The following ILKAP variants were observed in gnomAD, a reference collection of about 807,000 sequenced individuals.
ILKAP encodes ILK associated serine/threonine phosphatase.
In ILKAP, 11 loss-of-function variants were observed where a neutral mutation model predicts 49.1. That is an observed-to-expected ratio of 0.22 (90% CI 0.14 to 0.37). The LOEUF is 0.37. ILKAP is among the 10% of genes least tolerant of loss of function. The probability of loss-of-function intolerance (pLI) is 1.00; values close to 1 mark genes in which losing one functional copy is unlikely to be tolerated. For missense variants in ILKAP, 363 were observed against 510.8 expected, an observed-to-expected ratio of 0.71 and a Z score of 2.79; for synonymous variants, 186 against 192.8, an observed-to-expected ratio of 0.96 and a Z score of 0.29.
intron 3 of ILKAP, among the ~76,000 whole-genome samples, chr2:238,193,806 C>A (rs1352191712): frequency 6.6e-6 from 1 of 152,234 alleles, no homozygotes; most frequent in Admixed American, 6.5e-5. Flanking sequence ...AAGAAGTTCT[C>A]ATGAGACAGA....
chr2:238,200,976 A>G (rs1230524801), intron 1 of ILKAP, among the ~76,000 whole-genome samples: 1 of 152,248 alleles, frequency 6.6e-6, no homozygotes, highest in Non-Finnish European at 1.5e-5. Context: ...CACAGTTAGT[A>G]AGCGAAGAGC....
At chr2:238,183,172 C>T (rs1693766829) in intron 8 of ILKAP, among the ~76,000 whole-genome samples, 1 of 152,166 alleles carries the variant, frequency 6.6e-6, no homozygotes, top group South Asian at 2.1e-4. Context: ...CTCCCTCAGC[C>T]AGGGACCGGG....
rs1694045033 is a variant in ILKAP, at chr2:238,189,731, C to T, written c.298+122G>A. On this transcript the variant is annotated intron_variant, in intron 4 of 11. Coordinates refer to ENST00000254654, the MANE Select transcript of ILKAP (RefSeq NM_030768.3). ...GGAAATTCATTTGCAAAAAGGGAAC[C>T]CTACTTATTTCTTAAATACAGACAT... 9 of 853,916 alleles carry T rather than the reference C, an allele frequency of 1.1e-5. No individual in the cohort carries two copies. In the South Asian group the frequency reaches 1.7e-4, roughly 16 times the overall value. The allele number at this position is 853,916 out of a possible 1,614,324, so 52.9% of individuals were successfully genotyped here. A position where few individuals can be genotyped will look rare whatever the true frequency, so the allele number is the denominator to read the frequency against.
At chr2:238,192,541 T>TA (rs1694176367) in intron 3 of ILKAP, among the ~76,000 whole-genome samples, 1 of 151,488 alleles carries the variant, frequency 6.6e-6, no homozygotes, top group East Asian at 1.9e-4. Context: ...CTACTAAAAA[T>TA]ACAAAAAAAT....
In ILKAP at chr2:238,189,984, G is replaced by GT. The variant is rs1425729972; in HGVS notation, c.179-13dup. On this transcript the variant is annotated splice_polypyrimidine_tract_variant and intron_variant, in intron 3 of 11. Coordinates refer to ENST00000254654, the MANE Select transcript of ILKAP (RefSeq NM_030768.3). ...TGTGGCAAGAGAACCTGGAAATAAAGTAAAAGCCAGACAGAAACACAGCTG... is the reference window on the plus strand; with the variant it reads ...TGTGGCAAGAGAACCTGGAAATAAAGTTAAAAGCCAGACAGAAACACAGCTG... 1 of 1,613,280 alleles carries GT rather than the reference G, an allele frequency of 6.2e-7. No individual in the cohort carries two copies. Among genetic ancestry groups the GT allele is most frequent in the Non-Finnish European group, 8.5e-7 (1 of 1,179,702 alleles).
Position 238,203,604 on chromosome 2 carries a change from C to T in ILKAP, c.-51G>A. 1 of 1,090,880 alleles carries T rather than the reference C, an allele frequency of 9.2e-7. No individual in the cohort carries two copies. Among genetic ancestry groups the T allele is most frequent in the Non-Finnish European group, 1.1e-6 (1 of 885,702 alleles). The allele number at this position is 1,090,880 out of a possible 1,614,324, so 67.6% of individuals were successfully genotyped here. On this transcript the variant is annotated 5_prime_UTR_variant, in exon 1 of 12. Coordinates refer to ENST00000254654, the MANE Select transcript of ILKAP (RefSeq NM_030768.3). ...CAGCGACAGACACTCAGCCCGCGAG[C>T]AGCGGCCGGGCTCCACACCCCGGGC...
intron 9 of ILKAP, among the ~76,000 whole-genome samples, chr2:238,174,478 C>G (rs1559288143): frequency 6.6e-6 from 1 of 152,214 alleles, no homozygotes; most frequent in Non-Finnish European, 1.5e-5. Context: ...TCCGCAAATG[C>G]CACGGCTGCG....
intron 5 of ILKAP, chr2:238,186,743 C>T (rs1270963258): frequency 1.3e-5 from 2 of 150,412 alleles, no homozygotes; most frequent in South Asian, 2.1e-4. Context: ...CGAGAAATGA[C>T]ATTTATTCTA....
At chr2:238,201,002 G>A (rs1214156125) in intron 1 of ILKAP, among the ~76,000 whole-genome samples, 1 of 152,242 alleles carries the variant, frequency 6.6e-6, no homozygotes, top group Non-Finnish European at 1.5e-5. Context: ...TCTAAACCAA[G>A]TAGTCTGGTT....
intron 3 of ILKAP, among the ~76,000 whole-genome samples, chr2:238,190,273 A>G (rs1156616424): frequency 2.6e-5 from 4 of 152,310 alleles, no homozygotes; most frequent in Admixed American, 6.5e-5. Context: ...TAGCATATAC[A>G]TGTTTTTATA....
chr2:238,192,162 G>C (rs1459891299), intron 3 of ILKAP, among the ~76,000 whole-genome samples: 1 of 146,720 alleles, frequency 6.8e-6, no homozygotes, highest in Admixed American at 6.9e-5. Context: ...AGCTGAGATC[G>C]CAACACTGCA....
At chr2:238,201,944 G>A (rs1160179379) in intron 1 of ILKAP, among the ~76,000 whole-genome samples, 1 of 152,214 alleles carries the variant, frequency 6.6e-6, no homozygotes, top group African/African-American at 2.4e-5. Flanking sequence ...GTCAGTGGGG[G>A]CAGGGCACGG....
chr2:238,185,876 T>C (rs1000926754), intron 5 of ILKAP: 1 of 151,992 alleles, frequency 6.6e-6, no homozygotes, highest in African/African-American at 2.4e-5. Context: ...CAAGACCTGC[T>C]AAAGGTCTAA....
rs1393408838 is a variant in ILKAP at position 238,170,612 on chromosome 2, T to C, written c.1103A>G (p.Asn368Ser). Reference protein sequence around the residue: ...AADARYEAACNRLANKAVQRG... With the variant: ...AADARYEAACSRLANKAVQRG... Reference sequence around the variant, plus strand: ...CTGCACCGCCTTGTTGGCCAGCCTGTTGCAGGCTGCTTCGTAGCGGGCGTC... The same window carrying C: ...CTGCACCGCCTTGTTGGCCAGCCTGCTGCAGGCTGCTTCGTAGCGGGCGTC... The change falls in exon 12 of 12, where the codon AAC becomes AGC. Residue 368 changes from asparagine to serine, a missense_variant. Coordinates refer to ENST00000254654, the MANE Select transcript of ILKAP (RefSeq NM_030768.3). 69 of 1,606,898 alleles carry C rather than the reference T, an allele frequency of 4.3e-5. No individual in the cohort carries two copies. Among genetic ancestry groups the C allele is most frequent in the Non-Finnish European group, 5.8e-5 (68 of 1,174,334 alleles).
intron 8 of ILKAP, among the ~76,000 whole-genome samples, 176 bp downstream of exon 8, chr2:238,183,477 C>G (rs1001497849): frequency 2.0e-5 from 3 of 152,220 alleles, no homozygotes; most frequent in Non-Finnish European, 4.4e-5. Flanking sequence ...CAGCCTCTAG[C>G]TGAGTTGCTG....
At chr2:238,202,817 G>A (rs1199220507) in intron 1 of ILKAP, among the ~76,000 whole-genome samples, 1 of 151,556 alleles carries the variant, frequency 6.6e-6, no homozygotes, top group African/African-American at 2.4e-5. Context: ...ACTCCCACTG[G>A]CAGGGGCCAG....
chr2:238,179,635 G>A (rs891868563), intron 9 of ILKAP, among the ~76,000 whole-genome samples: 37 of 152,092 alleles, frequency 2.4e-4, no homozygotes, highest in Admixed American at 1.3e-4. Context: ...TGTCACCACC[G>A]GAGCCAAGTG....
intron 5 of ILKAP, chr2:238,186,195 T>C (rs965451137): frequency 2.6e-5 from 4 of 152,236 alleles, no homozygotes; most frequent in Non-Finnish European, 5.9e-5. Flanking sequence ...ACTACACACC[T>C]AAGCTACATA....
At chr2:238,188,968 C>T (rs1035613727) in intron 4 of ILKAP, among the ~76,000 whole-genome samples, 18 of 152,208 alleles carry the variant, frequency 1.2e-4, no homozygotes, top group African/African-American at 4.3e-4. Context: ...CCTCTGCCTG[C>T]ATCATACAGC....
Sources: gnomAD v4.1 joint callset for allele counts (sites outside exome capture counted in the v4.1 genomes callset) on GRCh38, gnomAD v4.1.1 for gene constraint, MANE v1.5 for transcripts, NCBI Gene and HGNC (gene_info 2026-07-23, HGNC 2026-07-21) for gene names.